ODF2L: variants seen among roughly 807,000 people sequenced by gnomAD.
The protein encoded by ODF2L is outer dense fiber of sperm tails 2 like.
ODF2L carries 76 observed loss-of-function variants against 86.3 expected under a neutral mutation model. That is an observed-to-expected ratio of 0.88 (90% CI 0.73 to 1.07). The LOEUF is 1.07. ODF2L is among the 50% of genes least tolerant of loss of function. The probability of loss-of-function intolerance (pLI) is 0.00; values close to 1 mark genes in which losing one functional copy is unlikely to be tolerated. For missense variants in ODF2L, 748 were observed against 717.4 expected, an observed-to-expected ratio of 1.04 and a Z score of -0.49; for synonymous variants, 241 against 231.3, an observed-to-expected ratio of 1.04 and a Z score of -0.38.
Position 86,358,050 on chromosome 1 carries a change from C to T in ODF2L, c.1359+737G>A, listed in dbSNP as rs1030359088. On this transcript the variant is annotated intron_variant, in intron 13 of 17. Coordinates refer to ENST00000317336, the Ensembl canonical transcript of ODF2L. ...TCTTTATGTCTGTATAACTGGAGGA[C>T]GCTTGCTCTGGCTGACCTCTTCTTC... 2.5e-5 allele frequency: 25 copies of T among 985,070 alleles called. No individual in the cohort carries two copies. The East Asian group carries it at 5.7e-4, about 22-fold the overall frequency. 61.0% of individuals were successfully genotyped at this position (985,070 alleles called of 1,614,324 possible).
intron 1 of ODF2L, among the ~76,000 whole-genome samples, chr1:86,393,640 A>C (rs1257901944): frequency 6.6e-6 from 1 of 152,264 alleles, no homozygotes; most frequent in Non-Finnish European, 1.5e-5. Flanking sequence ...CTTCAAAGCC[A>C]ACATTCCATT....
rs139303174 is a variant in ODF2L, at chr1:86,385,817, G to A, written c.114-227C>T. 441 of 322,858 alleles carry A rather than the reference G, an allele frequency of 1.4e-3. 2 individuals carry two copies. Among genetic ancestry groups the A allele is most frequent in the African/African-American group, 8.9e-3 (416 of 46,778 alleles). The allele number at this position is 322,858 out of a possible 1,614,324, so 20.0% of individuals were successfully genotyped here. The stretch of plus-strand genomic sequence containing the variant: ...AAAGTTATTTGGATTAAAGATGTAC[G>A]TATAGTTAAGTTTGAAGGAGCATTT... On this transcript the variant is annotated intron_variant, in intron 2 of 17. Transcript: ENST00000317336.
chr1:86,372,506 T>C lies in ODF2L; in HGVS notation c.845A>G (p.Asn282Ser), dbSNP rs372259948. The change falls in exon 9 of 18, where the codon AAT becomes AGT. Residue 282 changes from asparagine to serine, a missense_variant. Transcript: ENST00000317336. ...TTTCTCATAATGACTTTTCCAGGCA[T>C]TGGAAGCTGAAATTGTTTCAGACAA... 1.2e-4 allele frequency: 188 copies of C among 1,529,012 alleles called. No individual in the cohort carries two copies. The highest frequency in any genetic ancestry group is 1.5e-4 in the Non-Finnish European group (171 of 1,143,856). 94.7% of individuals were successfully genotyped at this position (1,529,012 alleles called of 1,614,324 possible). A position where few individuals can be genotyped will look rare whatever the true frequency, so the allele number is the denominator to read the frequency against.
chr1:86,359,451 CA>C (rs1337343758), intron 12 of ODF2L, among the ~76,000 whole-genome samples: 2 of 151,988 alleles, frequency 1.3e-5, no homozygotes, highest in Non-Finnish European at 2.9e-5. Context: ...CCATCTAATC[CA>C]TCGAGATGCA....
At chr1:86,356,208 A>G (rs1658547779) in intron 14 of ODF2L, among the ~76,000 whole-genome samples, 1 of 140,338 alleles carries the variant, frequency 7.1e-6, no homozygotes, top group African/African-American at 2.8e-5. Flanking sequence ...TCAAATGTCT[A>G]TAGATTTGCA....
rs529021222 is a variant in ODF2L at position 86,370,905 on chromosome 1, A to T, written c.1056+113T>A. 2.2e-4 allele frequency: 125 copies of T among 570,588 alleles called. No homozygotes were observed. In the African/African-American group the frequency reaches 2.2e-3, roughly 10 times the overall value. 35.3% of individuals were successfully genotyped at this position (570,588 alleles called of 1,614,324 possible). A position where few individuals can be genotyped will look rare whatever the true frequency, so the allele number is the denominator to read the frequency against. On this transcript the variant is annotated intron_variant, in intron 10 of 17. Transcript: ENST00000317336. The stretch of plus-strand genomic sequence containing the variant: ...CATAATATCCTGACAAGCATAGAAG[A>T]CAGAATTATACAAGAGCACTGCTCT...
intron 1 of ODF2L, among the ~76,000 whole-genome samples, chr1:86,389,702 G>T (rs2093612): frequency 5.9e-5 from 9 of 151,854 alleles, no homozygotes; most frequent in African/African-American, 2.2e-4. Context: ...AAATGAAATG[G>T]GAGATACTAC....
exon 18 of ODF2L, chr1:86,351,276 G>A (rs1383596539): frequency 6.6e-6 from 1 of 152,136 alleles, no homozygotes; most frequent in African/African-American, 2.4e-5. Context: ...TGTATAAGGT[G>A]TAAGGAAGGG....
chr1:86,384,554 G>A, intron 4 of ODF2L, 122 bp downstream of exon 4: 1 of 574,424 alleles, frequency 1.7e-6, no homozygotes, highest in Non-Finnish European at 2.6e-6. Context: ...ATTAATGACT[G>A]ACAAAATTCA....
chr1:86,368,570 A>G (rs1659596209), intron 11 of ODF2L: 1 of 1,255,956 alleles, frequency 8.0e-7, no homozygotes. Flanking sequence ...TACAAATCAA[A>G]AACACATTTT....
intron 9 of ODF2L, among the ~76,000 whole-genome samples, 164 bp downstream of exon 9, chr1:86,372,267 G>C (rs1239970873): frequency 6.6e-6 from 1 of 150,910 alleles, no homozygotes. Context: ...TAATAATAGA[G>C]TAAGAAAACT....
chr1:86,373,647 G>T (rs1558037185), intron 8 of ODF2L, among the ~76,000 whole-genome samples: 1 of 151,918 alleles, frequency 6.6e-6, no homozygotes, highest in Non-Finnish European at 1.5e-5. Flanking sequence ...AGAGAAGATG[G>T]TAACAAACAC....
At chr1:86,370,936 T>C in intron 10 of ODF2L, 82 bp downstream of exon 10, 2 of 864,544 alleles carry the variant, frequency 2.3e-6, no homozygotes, top group Non-Finnish European at 3.3e-6. Flanking sequence ...GCTCTAAACA[T>C]ACTCTTTCTT....
At chr1:86,350,046 G>T, downstream of ODF2L, 1 of 469,112 alleles carries the variant, frequency 2.1e-6, no homozygotes, top group Non-Finnish European at 2.8e-6. Flanking sequence ...TCTATGCTTA[G>T]AATTCTAGAA....
chr1:86,359,164 A>G (rs894968246), intron 12 of ODF2L, among the ~76,000 whole-genome samples: 3 of 152,036 alleles, frequency 2.0e-5, no homozygotes, highest in Non-Finnish European at 4.4e-5. Context: ...TTGCAGATCA[A>G]TGTCACTTCA....
At chr1:86,361,444 T>G (rs554173314) in intron 11 of ODF2L, among the ~76,000 whole-genome samples, 1 of 152,320 alleles carries the variant, frequency 6.6e-6, no homozygotes, top group South Asian at 2.1e-4. Context: ...ATTCCAAGGA[T>G]ATCTACTATA....
chr1:86,376,129 C>T (rs1660152170), intron 8 of ODF2L, 104 bp downstream of exon 8: 2 of 577,320 alleles, frequency 3.5e-6, no homozygotes, highest in Admixed American at 3.4e-5. Context: ...GTATTAACAG[C>T]ATTAAGAAAA....
chr1:86,359,309 G>C (rs1474875338), intron 12 of ODF2L, among the ~76,000 whole-genome samples: 1 of 151,402 alleles, frequency 6.6e-6, no homozygotes, highest in Admixed American at 6.6e-5. Context: ...TATTCCTGCT[G>C]AGGGATTAAA....
At chr1:86,367,859 A>G (rs1294647701) in intron 11 of ODF2L, among the ~76,000 whole-genome samples, 1 of 152,214 alleles carries the variant, frequency 6.6e-6, no homozygotes, top group East Asian at 1.9e-4. Context: ...TTTTCCAAAT[A>G]AAAGGTGAAG....
Sources: allele counts gnomAD v4.1 joint callset (sites outside exome capture counted in the v4.1 genomes callset), GRCh38; gene constraint gnomAD v4.1.1; transcripts MANE v1.5; gene names NCBI Gene and HGNC (gene_info 2026-07-23, HGNC 2026-07-21).